The following PBX1 variants were observed in gnomAD, a reference collection of about 807,000 sequenced individuals.
The protein encoded by PBX1 is pre-B-cell leukemia transcription factor 1.
A neutral mutation model predicts 53.4 loss-of-function variants in PBX1; 6 were observed. That is an observed-to-expected ratio of 0.11 (90% CI 0.06 to 0.22). The LOEUF (loss-of-function observed/expected upper bound fraction) is 0.22, where lower values mean the gene tolerates loss of function less well. Among genes scored for constraint, PBX1 ranks in the 10% least tolerant of loss-of-function variants. The probability of loss-of-function intolerance (pLI) is 1.00; values close to 1 mark genes in which losing one functional copy is unlikely to be tolerated. For missense variants in PBX1, 251 were observed against 551.4 expected, an observed-to-expected ratio of 0.46 and a Z score of 5.46; for synonymous variants, 204 against 212.3, an observed-to-expected ratio of 0.96 and a Z score of 0.34.
intron 2 of PBX1, among the ~76,000 whole-genome samples, chr1:164,875,522 C>A (rs1359501947): frequency 6.6e-6 from 1 of 152,132 alleles, no homozygotes; most frequent in Non-Finnish European, 1.5e-5. Flanking sequence ...TAGTCTCGAA[C>A]TCCTGGGCTC....
intron 2 of PBX1, among the ~76,000 whole-genome samples, chr1:164,767,555 T>A (rs1424416595): frequency 6.6e-6 from 1 of 151,972 alleles, no homozygotes; most frequent in African/African-American, 2.4e-5. Context: ...AACTCTCAGT[T>A]GCACAAGGAA....
chr1:164,703,773 G>A (rs1571252653), intron 2 of PBX1, among the ~76,000 whole-genome samples: 1 of 152,316 alleles, frequency 6.6e-6, no homozygotes, highest in East Asian at 1.9e-4. Flanking sequence ...AGAGAGGTCA[G>A]GAAGGGAAAG....
In PBX1 at chr1:164,559,403, G is replaced by A. The variant is rs549032032; in HGVS notation, c.-420G>A. The A allele has an allele frequency of 1.2e-4, 27 of 232,274 alleles. No individual in the cohort carries two copies. The East Asian group carries it at 1.6e-3, about 13-fold the overall frequency. The allele number at this position is 232,274 out of a possible 1,614,324, so 14.4% of individuals were successfully genotyped here. ...CCCCTGCCTTCCTCTCCTTTCTCCC[G>A]ATCAATGCATATTTGCAAAAGGATT... On this transcript the variant is annotated 5_prime_UTR_variant, in exon 1 of 9. Transcript: ENST00000420696.
At chr1:164,622,174 G>A (rs1000344810) in intron 2 of PBX1, among the ~76,000 whole-genome samples, 26 of 152,202 alleles carry the variant, frequency 1.7e-4, no homozygotes, top group African/African-American at 6.0e-4. Flanking sequence ...CACTAGGTAG[G>A]AGAAGGCGTC....
chr1:164,647,268 C>CA (rs1659511549), intron 2 of PBX1, among the ~76,000 whole-genome samples: 1 of 152,152 alleles, frequency 6.6e-6, no homozygotes, highest in African/African-American at 2.4e-5. Flanking sequence ...AAAGGTTGAA[C>CA]AGGGGCCGTT....
At chr1:164,729,652 G>A (rs765482996) in intron 2 of PBX1, among the ~76,000 whole-genome samples, 3 of 152,072 alleles carry the variant, frequency 2.0e-5, no homozygotes, top group Non-Finnish European at 4.4e-5. Context: ...CTCTTTTACA[G>A]TTAAGAAGAA....
intron 2 of PBX1, among the ~76,000 whole-genome samples, chr1:164,616,017 G>A (rs1245050380): frequency 6.6e-6 from 1 of 152,092 alleles, no homozygotes; most frequent in Non-Finnish European, 1.5e-5. Context: ...CTTTCACTGG[G>A]GTCTCCAGAG....
At chr1:164,756,976 T>C (rs1187505507) in intron 2 of PBX1, among the ~76,000 whole-genome samples, 1 of 152,200 alleles carries the variant, frequency 6.6e-6, no homozygotes, top group East Asian at 1.9e-4. Context: ...TTGGGAGTTG[T>C]AGGGAAGGGA....
At chr1:164,647,878 G>T (rs1224731610) in intron 2 of PBX1, among the ~76,000 whole-genome samples, 1 of 149,760 alleles carries the variant, frequency 6.7e-6, no homozygotes, top group Admixed American at 6.7e-5. Flanking sequence ...GCGGTGGCGC[G>T]ATCTCGGCTC....
chr1:164,730,270 T>G (rs1664906270), intron 2 of PBX1, among the ~76,000 whole-genome samples: 1 of 151,798 alleles, frequency 6.6e-6, no homozygotes, highest in Non-Finnish European at 1.5e-5. Flanking sequence ...GAGATTGCAA[T>G]AGACTGGTGC....
chr1:164,841,347 A>G (rs888039820), intron 8 of PBX1, among the ~76,000 whole-genome samples: 2 of 152,160 alleles, frequency 1.3e-5, no homozygotes, highest in African/African-American at 4.8e-5. Flanking sequence ...AATGTAAATA[A>G]TTGTGTTGAT....
At chr1:164,689,428 A>G (rs576744350) in intron 2 of PBX1, among the ~76,000 whole-genome samples, 15 of 152,066 alleles carry the variant, frequency 9.9e-5, no homozygotes, top group African/African-American at 3.6e-4. Context: ...GTCCAAAGAT[A>G]TTGATGAGCA....
At chr1:164,635,246 T>TC (rs1658679827) in intron 2 of PBX1, among the ~76,000 whole-genome samples, 1 of 151,890 alleles carries the variant, frequency 6.6e-6, no homozygotes, top group Non-Finnish European at 1.5e-5. Context: ...GAGCTCTCAG[T>TC]CCCCTGCTCC....
chr1:164,609,361 T>A (rs2101821684), intron 2 of PBX1, among the ~76,000 whole-genome samples: 1 of 152,278 alleles, frequency 6.6e-6, no homozygotes, highest in Middle Eastern at 3.4e-3. Context: ...AGGCACATTT[T>A]TTTGTACCAG....
intron 2 of PBX1, among the ~76,000 whole-genome samples, chr1:164,766,057 A>G (rs16834573): frequency 0.09 from 13,734 of 152,192 alleles, 694 homozygotes; most frequent in South Asian, 0.16. Context: ...GCAATCAGAA[A>G]AGCAGTACAT....
chr1:164,645,242 C>G (rs528008767), intron 2 of PBX1, among the ~76,000 whole-genome samples: 9 of 152,144 alleles, frequency 5.9e-5, no homozygotes, highest in South Asian at 2.1e-4. Context: ...GGATTCCCCC[C>G]CTTCTTTTGG....
chr1:164,828,009 C>G (rs1238299443), intron 8 of PBX1, among the ~76,000 whole-genome samples: 2 of 152,092 alleles, frequency 1.3e-5, no homozygotes, highest in Non-Finnish European at 2.9e-5. Flanking sequence ...AGGGAACTGA[C>G]CAACTCTATA....
intron 2 of PBX1, among the ~76,000 whole-genome samples, chr1:164,665,210 CATAAA>C (rs1660738126): frequency 6.6e-6 from 1 of 151,986 alleles, no homozygotes; most frequent in Non-Finnish European, 1.5e-5. Flanking sequence ...GGCTACTTAA[CATAAA>C]ATAAAAAAGT....
intron 2 of PBX1, among the ~76,000 whole-genome samples, chr1:164,716,832 A>G (rs902518354): frequency 1.4e-4 from 22 of 152,174 alleles, no homozygotes; most frequent in Non-Finnish European, 2.2e-4. Context: ...TCATCCTTTC[A>G]ATTTGTTGAG....
Sources: allele counts gnomAD v4.1 joint callset (sites outside exome capture counted in the v4.1 genomes callset), GRCh38; gene constraint gnomAD v4.1.1; transcripts MANE v1.5; gene names NCBI Gene and HGNC (gene_info 2026-07-23, HGNC 2026-07-21).